The following SOHLH2 variants were observed in gnomAD, a reference collection of about 807,000 sequenced individuals.
The protein encoded by SOHLH2 is spermatogenesis- and oogenesis-specific basic helix-loop-helix-containing protein 2.
A neutral mutation model predicts 50.4 loss-of-function variants in SOHLH2; 22 were observed. The ratio of observed to expected loss-of-function variants is 0.44; its 90% confidence interval spans 0.31 to 0.62. SOHLH2 has a LOEUF of 0.62. SOHLH2 is among the 20% of genes least tolerant of loss of function. The pLI is 0.08. For synonymous variants in SOHLH2, 185 were observed against 187.3 expected (o/e 0.99, Z 0.10); for missense variants, 412 against 504.4 (o/e 0.82, Z 1.76).
At chr13:36,184,290 G>T (rs770797640) in intron 6 of SOHLH2, among the ~76,000 whole-genome samples, 2 of 152,052 alleles carry the variant, frequency 1.3e-5, no homozygotes, top group African/African-American at 4.8e-5. Flanking sequence ...AGGGATATGA[G>T]AAAATATTTT....
At chr13:36,173,852 A>G (rs755934889) in intron 8 of SOHLH2, 42 bp from the exon 9 acceptor site, 2 of 1,608,866 alleles carry the variant, frequency 1.2e-6, no homozygotes, top group South Asian at 2.2e-5. Flanking sequence ...TTTTCAAGGA[A>G]AACAATGTGG....
chr13:36,191,586 C>T (rs925117832), intron 5 of SOHLH2, among the ~76,000 whole-genome samples: 6 of 152,118 alleles, frequency 3.9e-5, no homozygotes, highest in African/African-American at 1.4e-4. Context: ...AACTCACTAC[C>T]TTACAATTTG....
intron 2 of SOHLH2, among the ~76,000 whole-genome samples, chr13:36,200,021 C>A (rs958532449): frequency 6.6e-6 from 1 of 152,110 alleles, no homozygotes; most frequent in Non-Finnish European, 1.5e-5. Flanking sequence ...TAATTACAGA[C>A]TTCTAGAAAG....
chr13:36,194,921 GAAGT>G (rs1887677945), intron 2 of SOHLH2, among the ~76,000 whole-genome samples: 1 of 151,922 alleles, frequency 6.6e-6, no homozygotes, highest in African/African-American at 2.4e-5. Flanking sequence ...TATGCATTTG[GAAGT>G]AAGTATACAT....
chr13:36,188,669 T>G (rs907386280), intron 6 of SOHLH2, among the ~76,000 whole-genome samples: 2 of 152,220 alleles, frequency 1.3e-5, no homozygotes, highest in African/African-American at 2.4e-5. Flanking sequence ...TCCCCTGGTC[T>G]GCTCAATACC....
chr13:36,187,217 AT>A (rs983068899), intron 6 of SOHLH2, among the ~76,000 whole-genome samples: 3 of 152,206 alleles, frequency 2.0e-5, no homozygotes, highest in Non-Finnish European at 4.4e-5. Context: ...AACCATTAAA[AT>A]TTTAAAAAGA....
intron 6 of SOHLH2, among the ~76,000 whole-genome samples, chr13:36,184,750 A>G (rs1887366327): frequency 6.6e-6 from 1 of 151,840 alleles, no homozygotes; most frequent in Non-Finnish European, 1.5e-5. Flanking sequence ...GAGCCACTGC[A>G]CCCGCTCTAC....
chr13:36,192,033 A>G, intron 4 of SOHLH2, 139 bp from the exon 5 acceptor site: 17 of 948,268 alleles, frequency 1.8e-5, no homozygotes, highest in Non-Finnish European at 1.5e-6. Context: ...TAAAACTGAA[A>G]GCAATTTATA....
intron 6 of SOHLH2, among the ~76,000 whole-genome samples, chr13:36,176,199 A>G (rs1456476499): frequency 1.3e-5 from 2 of 152,188 alleles, no homozygotes; most frequent in African/African-American, 4.8e-5. Flanking sequence ...CCTAGGAAAA[A>G]AGACTGAAGG....
At chr13:36,170,413 A>C (rs749634181) in intron 10 of SOHLH2, 118 bp downstream of exon 10, 1 of 1,447,108 alleles carries the variant, frequency 6.9e-7, no homozygotes, top group Non-Finnish European at 9.1e-7. Flanking sequence ...AGAGACTCAG[A>C]ATCAAGCTCT....
rs773957071 is a variant in SOHLH2, at chr13:36,174,494, C to T, written c.863G>A (p.Gly288Asp). ...QQTPIELSLP[G>D]TVMAQRENSV... Reference sequence around the variant, plus strand: ...ATCATACCGCTGTGCCATGACAGTGCCTGGGAGAGACAGCTCAATGGGTGT... The same window carrying T: ...ATCATACCGCTGTGCCATGACAGTGTCTGGGAGAGACAGCTCAATGGGTGT... Residue 288 changes from glycine (G) to aspartate (D), a missense_variant, in exon 8 of 11, where the codon GGC becomes GAC. Transcript: ENST00000379881. 1.9e-6 allele frequency: 3 copies of T among 1,614,130 alleles called. No individual in the cohort carries two copies. The highest frequency in any genetic ancestry group is 1.7e-6 in the Non-Finnish European group (2 of 1,180,026).
rs972174762 is a variant in SOHLH2 at position 36,191,104 on chromosome 13, C to T, written c.530+691G>A. 3.9e-5 allele frequency among the ~76,000 whole-genome samples: 6 copies of T among 152,214 alleles called. No individual in the cohort carries two copies. In the Middle Eastern group the frequency reaches 0.014, roughly 345 times the overall value. ...CAGCTTAAAGTGAAGGGAAGAAATTCACAAAAATTGAATTTTATAAGCATA... is the reference window on the plus strand; with the variant it reads ...CAGCTTAAAGTGAAGGGAAGAAATTTACAAAAATTGAATTTTATAAGCATA... On this transcript the variant is annotated intron_variant, in intron 5 of 10. Transcript: ENST00000379881.
chr13:36,197,516 A>G (rs925986686), intron 2 of SOHLH2, among the ~76,000 whole-genome samples: 4 of 152,202 alleles, frequency 2.6e-5, no homozygotes, highest in Non-Finnish European at 4.4e-5. Context: ...AAAGGGTGTT[A>G]TAAGTCCCTA....
Position 36,193,820 on chromosome 13 carries a change from G to T in SOHLH2, c.311C>A (p.Pro104His), listed in dbSNP as rs1216355185. Residue 104 changes from proline to histidine, a missense_variant, in exon 3 of 11, where the codon CCT (proline) becomes CAT (histidine). Coordinates refer to ENST00000379881, the MANE Select transcript of SOHLH2 (RefSeq NM_017826.3). ...NTHSLFVFII[P>H]ENFKGCISGH... ...CAGGTACATACCTTTAAAATTTTCA[G>T]GGATTATAAAAACAAACAGTGAATG... 1 of 1,602,954 alleles carries T rather than the reference G, an allele frequency of 6.2e-7. No homozygotes were observed. The highest frequency in any genetic ancestry group is 1.7e-5 in the Admixed American group (1 of 57,212).
rs982081947 is a variant in SOHLH2, at chr13:36,178,735, A to G, written c.642-3866T>C. ...GATCTTAACAATAGTGAGTCTTTCAATTCATAATTATGGTATAATTCATGA... is the reference window on the plus strand; with the variant it reads ...GATCTTAACAATAGTGAGTCTTTCAGTTCATAATTATGGTATAATTCATGA... On this transcript the variant is annotated intron_variant, in intron 6 of 10. Coordinates refer to ENST00000379881, the MANE Select transcript of SOHLH2 (RefSeq NM_017826.3). Among the ~76,000 whole-genome samples the G allele has an allele frequency of 2.0e-5, 3 of 152,064 alleles. 1 individual carries two copies. The highest frequency in any genetic ancestry group is 4.4e-5 in the Non-Finnish European group (3 of 67,978).
At chr13:36,169,637 G>GT (rs1886908880) in intron 10 of SOHLH2, among the ~76,000 whole-genome samples, 1 of 152,190 alleles carries the variant, frequency 6.6e-6, no homozygotes. Context: ...CTATATTAAA[G>GT]TTAACAGAAG....
chr13:36,189,722 G>C (rs1006855059), intron 6 of SOHLH2, among the ~76,000 whole-genome samples: 3 of 152,088 alleles, frequency 2.0e-5, no homozygotes, highest in Non-Finnish European at 4.4e-5. Context: ...TTGAAGGCAG[G>C]GACTTACTTT....
chr13:36,204,643 C>A (rs1250720015), intron 1 of SOHLH2, among the ~76,000 whole-genome samples: 1 of 152,036 alleles, frequency 6.6e-6, no homozygotes, highest in African/African-American at 2.4e-5. Flanking sequence ...ATCCACTGAT[C>A]TATTTGCCTA....
Position 36,168,886 on chromosome 13 carries a change from G to C in SOHLH2, c.*148C>G. On this transcript the variant is annotated 3_prime_UTR_variant, in exon 11 of 11. Coordinates refer to ENST00000379881, the MANE Select transcript of SOHLH2 (RefSeq NM_017826.3). ...GTCTTTCTATCTGCAGAAGCTTTGA[G>C]TGCATTTATCAGAAGCCAAACCATG... is the stretch of plus-strand genomic sequence containing the variant. The C allele has an allele frequency of 1.5e-6, 2 of 1,331,110 alleles. No individual in the cohort carries two copies. Among genetic ancestry groups the C allele is most frequent in the Non-Finnish European group, 2.0e-6 (2 of 1,006,538 alleles). 82.5% of individuals were successfully genotyped at this position (1,331,110 alleles called of 1,614,324 possible).
Sources: gnomAD v4.1 joint callset for allele counts (sites outside exome capture counted in the v4.1 genomes callset) on GRCh38, gnomAD v4.1.1 for gene constraint, MANE v1.5 for transcripts, NCBI Gene and HGNC (gene_info 2026-07-23, HGNC 2026-07-21) for gene names.